Variants in SLC35B3 observed in about 807,000 individuals in gnomAD.
The protein encoded by SLC35B3 is adenosine 3'-phospho 5'-phosphosulfate transporter 2.
A neutral mutation model predicts 44.1 loss-of-function variants in SLC35B3; 35 were observed. The ratio of observed to expected loss-of-function variants is 0.79; its 90% CI spans 0.61 to 1.05. The LOEUF (loss-of-function observed/expected upper bound fraction) is 1.05, where lower values mean the gene tolerates loss of function less well. Among genes scored for constraint, SLC35B3 ranks in the 50% least tolerant of loss-of-function variants. The pLI, the probability that SLC35B3 is intolerant of heterozygous loss-of-function variation, is 0.00. For synonymous variants in SLC35B3, 146 were observed against 167.3 expected (o/e 0.87, Z 0.98); for missense variants, 414 against 476.4 (o/e 0.87, Z 1.22).
intron 5 of SLC35B3, 146 bp downstream of exon 4, chr6:8,422,324 T>G (rs906053638): frequency 1.4e-6 from 1 of 704,802 alleles, no homozygotes; most frequent in African/African-American, 1.8e-5. Flanking sequence ...TAGAATACCT[T>G]ATTTTGGTAA....
chr6:8,416,789 A>T (rs1432960350), intron 9 of SLC35B3, 95 bp downstream of exon 8: 1 of 505,116 alleles, frequency 2.0e-6, no homozygotes, highest in Non-Finnish European at 3.5e-6. Context: ...TTTTCTTTTT[A>T]ATATAAAGGA....
In SLC35B3 at chr6:8,412,613, A is replaced by T. The variant is rs1762091046; in HGVS notation, c.*936T>A. Among the ~76,000 whole-genome samples, 1 of 152,128 alleles carries T rather than the reference A, an allele frequency of 6.6e-6. No homozygotes were observed. The highest frequency in any genetic ancestry group is 6.5e-5 in the Admixed American group (1 of 15,268). On this transcript the variant is annotated 3_prime_UTR_variant, in exon 11 of 11. Coordinates refer to ENST00000644923, the MANE Select transcript of SLC35B3 (RefSeq NM_001370476.2). ...TAAAACTTAAAGCATGTCTTCTCTA[A>T]ATCAGTGGTCCCCAACCCTTTTGGC...
At chr6:8,431,653 T>C (rs1763999539) in intron 2 of SLC35B3, among the ~76,000 whole-genome samples, 1 of 152,242 alleles carries the variant, frequency 6.6e-6, no homozygotes, top group Non-Finnish European at 1.5e-5. Flanking sequence ...CACTGTCATT[T>C]GTAAGACTTT....
chr6:8,431,641 A>G (rs1185687137), intron 2 of SLC35B3, among the ~76,000 whole-genome samples: 1 of 152,176 alleles, frequency 6.6e-6, no homozygotes, highest in African/African-American at 2.4e-5. Context: ...TTATGTTTCA[A>G]TCACTGTCAT....
At chr6:8,430,723 A>C (rs952028808) in intron 2 of SLC35B3, among the ~76,000 whole-genome samples, 1 of 151,692 alleles carries the variant, frequency 6.6e-6, no homozygotes, top group Non-Finnish European at 1.5e-5. Context: ...CTACCAAATA[A>C]AATAAAATAA....
At chr6:8,429,792 A>T (rs1763784994) in intron 3 of SLC35B3, 72 bp downstream of exon 2, 2 of 1,155,262 alleles carry the variant, frequency 1.7e-6, no homozygotes, top group Admixed American at 5.7e-5. Context: ...TCTTGGGCAA[A>T]ACTAGTAAAT....
intron 3 of SLC35B3, among the ~76,000 whole-genome samples, 179 bp from the exon 3 acceptor site, chr6:8,428,237 G>A (rs1023006844): frequency 7.2e-5 from 11 of 152,096 alleles, no homozygotes; most frequent in African/African-American, 2.7e-4. Flanking sequence ...TGAAATTCTT[G>A]TGCCATAGAT....
chr6:8,426,937 G>A (rs1306071292), intron 4 of SLC35B3, among the ~76,000 whole-genome samples: 1 of 152,130 alleles, frequency 6.6e-6, no homozygotes, highest in African/African-American at 2.4e-5. Context: ...GGAACTTGTT[G>A]GGAACTAGAG....
Position 8,419,732 on chromosome 6 carries a change from G to T in SLC35B3, c.683-55C>A. 1 of 980,128 alleles carries T rather than the reference G, an allele frequency of 1.0e-6. No homozygotes were observed. 60.7% of individuals were successfully genotyped at this position (980,128 alleles called of 1,614,324 possible). A position where few individuals can be genotyped will look rare whatever the true frequency, so the allele number is the denominator to read the frequency against. On this transcript the variant is annotated intron_variant, in intron 6 of 10. Transcript: ENST00000644923. This position sits in a 1 kb window ranked among gnomAD's most constrained non-coding sequence, Gnocchi z 4.3. The stretch of plus-strand genomic sequence containing the variant: ...AAAAACCCTCCTTATTTAAACATAT[G>T]AACTATAATCAAGCTTTATCAGAAA...
chr6:8,423,130 G>T (rs529525520), intron 4 of SLC35B3, among the ~76,000 whole-genome samples: 2 of 152,278 alleles, frequency 1.3e-5, no homozygotes, highest in South Asian at 4.1e-4. Context: ...TGGGACTACA[G>T]GTGTGCGCCA....
intron 3 of SLC35B3, 145 bp from the exon 3 acceptor site, chr6:8,428,203 T>G: frequency 8.8e-6 from 6 of 683,430 alleles, no homozygotes; most frequent in Non-Finnish European, 1.1e-5. Context: ...TTAGAAGCTC[T>G]TTCATATTGG....
chr6:8,414,991 A>T lies in SLC35B3; in HGVS notation c.986-14T>A. ...TTCCTGTTGTCACTGTAGGAGCAAAAAATTAGTTTAGAATGTGCCTATTAT... is the reference window on the plus strand; with the variant it reads ...TTCCTGTTGTCACTGTAGGAGCAAATAATTAGTTTAGAATGTGCCTATTAT... On this transcript the variant is annotated splice_polypyrimidine_tract_variant and intron_variant, in intron 9 of 10. Transcript: ENST00000644923. 1 of 1,576,048 alleles carries T rather than the reference A, an allele frequency of 6.3e-7. No individual in the cohort carries two copies. The highest frequency in any genetic ancestry group is 1.1e-5 in the South Asian group (1 of 88,174).
intron 2 of SLC35B3, among the ~76,000 whole-genome samples, chr6:8,431,413 G>C (rs2113538565): frequency 6.6e-6 from 1 of 152,206 alleles, no homozygotes. Context: ...GCCTCTTCAT[G>C]ATCACTTCTA....
chr6:8,434,674 A>G lies in SLC35B3; in HGVS notation c.-43-244T>C, dbSNP rs142813814. 1.2e-4 allele frequency among the ~76,000 whole-genome samples: 18 copies of G among 152,332 alleles called. No homozygotes were observed. Among genetic ancestry groups the G allele is most frequent in the African/African-American group, 3.8e-4 (16 of 41,584 alleles). On this transcript the variant is annotated intron_variant, in intron 1 of 10. Transcript: ENST00000644923. This position sits in a 1 kb window ranked among gnomAD's most constrained non-coding sequence, Gnocchi z 6.3. ...CCAAACTATCTCAATTCACTTAGAA[A>G]AACGTTTAATCAAAAAACAATTCTA...
intron 10 of SLC35B3, among the ~76,000 whole-genome samples, 177 bp from the exon 10 acceptor site, chr6:8,413,876 C>T (rs1762180170): frequency 6.6e-6 from 1 of 152,022 alleles, no homozygotes; most frequent in Non-Finnish European, 1.5e-5. Context: ...TGATAGAATT[C>T]TGTATCTTTT....
rs749913923 is a variant in SLC35B3, at chr6:8,434,879, T to C, written c.-43-449A>G. Among the ~76,000 whole-genome samples, 1 of 152,040 alleles carries C rather than the reference T, an allele frequency of 6.6e-6. No homozygotes were observed. The highest frequency in any genetic ancestry group is 2.4e-5 in the African/African-American group (1 of 41,398). On this transcript the variant is annotated intron_variant, in intron 1 of 10. Coordinates refer to ENST00000644923, the MANE Select transcript of SLC35B3 (RefSeq NM_001370476.2). This position sits in a 1 kb window ranked among gnomAD's most constrained non-coding sequence, Gnocchi z 6.3. ...GAACTTCTAGTGGAAGTTTATGCCA[T>C]AAACTTAATAGCCCAGCCAGAACAA...
At chr6:8,428,712 A>G (rs373172913) in intron 3 of SLC35B3, among the ~76,000 whole-genome samples, 12 of 152,182 alleles carry the variant, frequency 7.9e-5, no homozygotes, top group South Asian at 4.1e-4. Context: ...TTCCATTGCA[A>G]TGGCTAACTC....
chr6:8,419,239 C>T lies in SLC35B3; in HGVS notation c.780+341G>A, dbSNP rs901309708. Among the ~76,000 whole-genome samples, 9 of 151,836 alleles carry T rather than the reference C, an allele frequency of 5.9e-5. No individual in the cohort carries two copies. The highest frequency in any genetic ancestry group is 1.3e-4 in the Admixed American group (2 of 15,236). ...TCAACCATGATACTTAGCCAGAAGC[C>T]AGCAAGGAAAAGACAAATTGGGCCA... On this transcript the variant is annotated intron_variant, in intron 7 of 10. Transcript: ENST00000644923. The surrounding 1 kb of genome is among the most constrained non-coding windows in gnomAD (Gnocchi z 4.3).
At position 8,434,292 on chromosome 6, in the gene SLC35B3, T is replaced by TG; in HGVS notation, c.3+92dup. 1 of 1,228,700 alleles carries TG rather than the reference T, an allele frequency of 8.1e-7. No individual in the cohort carries two copies. The highest frequency in any genetic ancestry group is 1.2e-6 in the Non-Finnish European group (1 of 845,422). The allele number at this position is 1,228,700 out of a possible 1,614,324, so 76.1% of individuals were successfully genotyped here. On this transcript the variant is annotated intron_variant, in intron 2 of 10. Transcript: ENST00000644923. The surrounding 1 kb of genome is among the most constrained non-coding windows in gnomAD (Gnocchi z 6.3). Reference sequence around the variant, plus strand: ...TCCCACACCAAAAAAAGGTAGAATATGAAAAAAAAGTCATTACGGTGTCAT... The same window carrying TG: ...TCCCACACCAAAAAAAGGTAGAATATGGAAAAAAAAGTCATTACGGTGTCAT...
Sources: gnomAD v4.1 joint callset for allele counts (sites outside exome capture counted in the v4.1 genomes callset) on GRCh38, gnomAD v4.1.1 for gene constraint, Gnocchi (gnomAD v3.1) non-coding constraint, MANE v1.5 for transcripts, NCBI Gene and HGNC (gene_info 2026-07-23, HGNC 2026-07-21) for gene names.